The following MACROH2A1 variants were observed in gnomAD, a reference collection of about 807,000 sequenced individuals.
MACROH2A1 encodes core histone macro-H2A.1.
MACROH2A1 carries 2 observed loss-of-function variants against 31.6 expected under a neutral mutation model. The observed-to-expected ratio is 0.06, with a 90% CI of 0.03 to 0.20. The LOEUF (loss-of-function observed/expected upper bound fraction) is 0.20, where lower values mean the gene tolerates loss of function less well. Among genes scored for constraint, MACROH2A1 ranks in the 10% least tolerant of loss-of-function variants. MACROH2A1 has a pLI of 1.00. For missense variants in MACROH2A1, 230 were observed against 474.0 expected (o/e 0.49, Z 4.78); for synonymous variants, 169 against 189.6 (o/e 0.89, Z 0.89).
intron 2 of MACROH2A1, among the ~76,000 whole-genome samples, chr5:135,378,686 T>C (rs908928713): frequency 1.3e-5 from 2 of 152,260 alleles, no homozygotes; most frequent in Admixed American, 6.5e-5. Flanking sequence ...ACTTAAACTC[T>C]GAACCTCAAT....
Position 135,369,343 on chromosome 5 carries a change from G to A in MACROH2A1, c.477+63C>T. 7.4e-7 allele frequency: 1 copy of A among 1,357,546 alleles called. No homozygotes were observed. Among genetic ancestry groups the A allele is most frequent in the Non-Finnish European group, 1.1e-6 (1 of 948,150 alleles). 84.1% of individuals were successfully genotyped at this position (1,357,546 alleles called of 1,614,324 possible). On this transcript the variant is annotated intron_variant, in intron 4 of 8. Transcript: ENST00000511689. This position sits in a 1 kb window ranked among gnomAD's most constrained non-coding sequence, Gnocchi z 4.3. Reference sequence around the variant, plus strand: ...ACAGGGGGAATGAGGGGGGTGCCCTGGTAACCCTGTTTATCCGTACCCCAT... The same window carrying A: ...ACAGGGGGAATGAGGGGGGTGCCCTAGTAACCCTGTTTATCCGTACCCCAT...
intron 6 of MACROH2A1, chr5:135,347,157 C>T (rs1760943847): frequency 6.6e-6 from 1 of 152,212 alleles, no homozygotes; most frequent in Non-Finnish European, 1.5e-5. Flanking sequence ...CGGAATGCAC[C>T]AGCCCAAATT....
intron 8 of MACROH2A1, among the ~76,000 whole-genome samples, chr5:135,341,117 C>A (rs1306727507): frequency 6.6e-6 from 1 of 152,234 alleles, no homozygotes; most frequent in Non-Finnish European, 1.5e-5. Context: ...CCTCCCTCTG[C>A]GGAAGCACCT....
At chr5:135,385,211 G>A (rs374505629) in intron 2 of MACROH2A1, among the ~76,000 whole-genome samples, 83 of 152,370 alleles carry the variant, frequency 5.4e-4, no homozygotes, top group African/African-American at 1.9e-3. Context: ...TCTGGGCCAT[G>A]CAGAGAAGAA....
intron 7 of MACROH2A1, 159 bp from the exon 8 acceptor site, chr5:135,343,593 C>A (rs1760307484): frequency 8.6e-7 from 1 of 1,159,290 alleles, no homozygotes; most frequent in Admixed American, 2.6e-5. Flanking sequence ...GTTGTGATTC[C>A]AACGTGAGCT....
intron 2 of MACROH2A1, among the ~76,000 whole-genome samples, chr5:135,378,478 T>C (rs1581302361): frequency 2.0e-5 from 3 of 152,242 alleles, no homozygotes; most frequent in Non-Finnish European, 4.4e-5. Flanking sequence ...TCTCTGGCAA[T>C]CACCCATGAC....
intron 1 of MACROH2A1, among the ~76,000 whole-genome samples, chr5:135,394,637 G>T (rs1478622252): frequency 6.6e-6 from 1 of 152,110 alleles, no homozygotes; most frequent in Non-Finnish European, 1.5e-5. Context: ...GCAGTTTCCA[G>T]CCCTTCCTTC....
intron 8 of MACROH2A1, among the ~76,000 whole-genome samples, chr5:135,336,771 G>A (rs900896533): frequency 3.3e-5 from 5 of 152,250 alleles, no homozygotes; most frequent in African/African-American, 1.2e-4. Flanking sequence ...CCCACACCAG[G>A]CAGAGCTGCC....
chr5:135,381,643 G>A (rs1283292294), intron 2 of MACROH2A1, among the ~76,000 whole-genome samples: 1 of 152,114 alleles, frequency 6.6e-6, no homozygotes, highest in African/African-American at 2.4e-5. Flanking sequence ...ATTCAAAAAA[G>A]AATGAAATAG....
intron 5 of MACROH2A1, chr5:135,355,223 G>T (rs1762034032): frequency 2.2e-6 from 1 of 455,952 alleles, no homozygotes; most frequent in African/African-American, 2.0e-5. Flanking sequence ...TGGATTTGCT[G>T]AAGGAAGGGA....
At chr5:135,366,478 GC>G in intron 4 of MACROH2A1, among the ~76,000 whole-genome samples, 1 of 152,042 alleles carries the variant, frequency 6.6e-6, no homozygotes, top group Non-Finnish European at 1.5e-5. Flanking sequence ...GAGATGTTCT[GC>G]AACCTGCCAA....
intron 5 of MACROH2A1, chr5:135,353,659 C>G (rs760468099): frequency 1.3e-5 from 2 of 152,194 alleles, no homozygotes; most frequent in Non-Finnish European, 2.9e-5. Flanking sequence ...CATGGTGAAA[C>G]CCAGGGGAGG....
intron 2 of MACROH2A1, 50 bp from the exon 3 acceptor site, chr5:135,370,192 CCCG>C: frequency 8.6e-7 from 1 of 1,166,798 alleles, no homozygotes. Flanking sequence ...ACCATGTGTC[CCCG>C]CCCCGGTCCC....
intron 4 of MACROH2A1, among the ~76,000 whole-genome samples, chr5:135,367,428 T>C (rs1419623218): frequency 1.3e-5 from 2 of 152,218 alleles, no homozygotes; most frequent in Non-Finnish European, 2.9e-5. Context: ...CATATGGTTA[T>C]TAGAAACACT....
intron 6 of MACROH2A1, chr5:135,350,779 T>G (rs1484465283): frequency 1.7e-6 from 2 of 1,199,518 alleles, no homozygotes; most frequent in Non-Finnish European, 2.5e-6. Context: ...AGCGGCCGAC[T>G]GACCATGCAC....
chr5:135,337,467 C>T (rs1167521380), intron 8 of MACROH2A1, among the ~76,000 whole-genome samples: 1 of 152,280 alleles, frequency 6.6e-6, no homozygotes, highest in Non-Finnish European at 1.5e-5. Flanking sequence ...CTTTCTGACA[C>T]AGACCCCTCC....
intron 2 of MACROH2A1, among the ~76,000 whole-genome samples, chr5:135,373,616 TAAGGAGGGGCAG>T (rs1285259740): frequency 2.0e-5 from 3 of 152,096 alleles, no homozygotes; most frequent in African/African-American, 7.2e-5. Context: ...GCAAGGTGGA[TAAGGAGGGGCAG>T]AAGGAGGAGC....
intron 1 of MACROH2A1, among the ~76,000 whole-genome samples, chr5:135,391,408 A>T (rs149738066): frequency 2.3e-4 from 35 of 152,232 alleles, no homozygotes; most frequent in Non-Finnish European, 7.4e-5. Flanking sequence ...GGGGCTGCCT[A>T]TGTGGGAACT....
chr5:135,377,407 G>A (rs1202148194), intron 2 of MACROH2A1, among the ~76,000 whole-genome samples: 6 of 152,236 alleles, frequency 3.9e-5, no homozygotes, highest in Non-Finnish European at 7.3e-5. Context: ...AACAATCAGC[G>A]ATGTCTGCTG....
Sources: gnomAD v4.1 joint callset for allele counts (sites outside exome capture counted in the v4.1 genomes callset) on GRCh38, gnomAD v4.1.1 for gene constraint, Gnocchi (gnomAD v3.1) non-coding constraint, MANE v1.5 for transcripts, NCBI Gene and HGNC (gene_info 2026-07-23, HGNC 2026-07-21) for gene names.